RPTOR: variants seen among roughly 807,000 people sequenced by gnomAD.
The protein encoded by RPTOR is regulatory associated protein of MTOR complex 1, also known as regulatory-associated protein of mTOR.
Under a neutral mutation model 169.9 loss-of-function variants are expected in RPTOR, and 21 were observed. The observed-to-expected ratio is 0.12, with a 90% CI of 0.09 to 0.18. The LOEUF (loss-of-function observed/expected upper bound fraction) is 0.18, where lower values mean the gene tolerates loss of function less well. Ranked by LOEUF, RPTOR falls within the 10% of genes least tolerant of loss-of-function variation. The pLI is 1.00. For missense variants in RPTOR, 1,133 were observed against 1,855.9 expected (o/e 0.61, Z 7.16); for synonymous variants, 732 against 753.2 (o/e 0.97, Z 0.46).
chr17:80,919,588 G>A (rs548675656), intron 21 of RPTOR, among the ~76,000 whole-genome samples: 11 of 152,274 alleles, frequency 7.2e-5, no homozygotes, highest in African/African-American at 2.2e-4. Flanking sequence ...GTGAGGTGGC[G>A]CTCCCGGAAC....
chr17:80,838,950 T>G (rs867110828), intron 10 of RPTOR, among the ~76,000 whole-genome samples: 3 of 152,170 alleles, frequency 2.0e-5, no homozygotes, highest in Admixed American at 6.5e-5. Context: ...ACAGGGCCCT[T>G]GGGAATTCAT....
At chr17:80,742,925 C>A (rs1340552406) in intron 5 of RPTOR, among the ~76,000 whole-genome samples, 1 of 149,564 alleles carries the variant, frequency 6.7e-6, no homozygotes, top group East Asian at 1.9e-4. Context: ...CATACATGCA[C>A]ATCTACACAC....
chr17:80,900,462 G>A (rs1005545346), intron 20 of RPTOR, among the ~76,000 whole-genome samples: 17 of 152,006 alleles, frequency 1.1e-4, no homozygotes, highest in Admixed American at 5.9e-4. Flanking sequence ...GATTACAGGC[G>A]CATGCCACCA....
chr17:80,852,177 C>A (rs867938976), intron 11 of RPTOR, among the ~76,000 whole-genome samples: 1 of 152,172 alleles, frequency 6.6e-6, no homozygotes, highest in East Asian at 1.9e-4. Flanking sequence ...TTGTGCTAGA[C>A]GCTTTACGGA....
intron 1 of RPTOR, among the ~76,000 whole-genome samples, chr17:80,597,779 G>T (rs1384331732): frequency 6.6e-6 from 1 of 151,932 alleles, no homozygotes; most frequent in Non-Finnish European, 1.5e-5. Context: ...CTCCCAGAGT[G>T]TTGAGATTAC....
chr17:80,751,247 G>T (rs568983638), intron 5 of RPTOR, among the ~76,000 whole-genome samples: 52 of 152,118 alleles, frequency 3.4e-4, no homozygotes, highest in Non-Finnish European at 6.9e-4. Flanking sequence ...TCGTGTTGGC[G>T]TCGTAGGTGC....
intron 3 of RPTOR, among the ~76,000 whole-genome samples, chr17:80,698,486 T>C (rs2066056325): frequency 6.6e-6 from 1 of 152,198 alleles, no homozygotes; most frequent in African/African-American, 2.4e-5. Context: ...TTCCAGCCAT[T>C]GATCCACATT....
chr17:80,964,435 GT>G lies in RPTOR; in HGVS notation c.*107del, dbSNP rs3833848. On this transcript the variant is annotated 3_prime_UTR_variant, in exon 34 of 34. Transcript: ENST00000306801. ...GCTGCTGCGGCCCCGCAGTGTGAAC[GT>G]TGGCTGCTGCCTTAGCTGCTGATGA... is the stretch of plus-strand genomic sequence containing the variant. 3.6e-6 allele frequency: 4 copies of G among 1,125,658 alleles called. No homozygotes were observed. In the East Asian group the frequency reaches 9.6e-5, roughly 27 times the overall value. 69.7% of individuals were successfully genotyped at this position (1,125,658 alleles called of 1,614,324 possible).
At chr17:80,705,820 C>T (rs2066138042) in intron 3 of RPTOR, among the ~76,000 whole-genome samples, 1 of 152,094 alleles carries the variant, frequency 6.6e-6, no homozygotes, top group African/African-American at 2.4e-5. Flanking sequence ...CAGGTGTGAG[C>T]CCCCGTGTCC....
intron 9 of RPTOR, among the ~76,000 whole-genome samples, chr17:80,826,097 A>G (rs1357864700): frequency 6.6e-6 from 1 of 152,034 alleles, no homozygotes; most frequent in Non-Finnish European, 1.5e-5. Flanking sequence ...GACATAGGCC[A>G]CCCAGAAGAG....
chr17:80,943,048 C>T (rs1188931525), intron 25 of RPTOR, among the ~76,000 whole-genome samples: 1 of 152,224 alleles, frequency 6.6e-6, no homozygotes, highest in East Asian at 1.9e-4. Flanking sequence ...ATTTCCTTTC[C>T]GTGGTTCTGG....
chr17:80,832,117 T>C (rs2067511996), intron 9 of RPTOR, among the ~76,000 whole-genome samples: 5 of 152,104 alleles, frequency 3.3e-5, no homozygotes, highest in Admixed American at 3.3e-4. Flanking sequence ...TGGGTTAGTG[T>C]GGAAAAACTC....
rs1472591614 is a variant in RPTOR at position 80,844,733 on chromosome 17, C to T, written c.1213-1740C>T. 1.3e-5 allele frequency among the ~76,000 whole-genome samples: 2 copies of T among 152,184 alleles called. No individual in the cohort carries two copies. Among genetic ancestry groups the T allele is most frequent in the Non-Finnish European group, 2.9e-5 (2 of 68,038 alleles). On this transcript the variant is annotated intron_variant, in intron 10 of 33. Transcript: ENST00000306801. This position sits in a 1 kb window ranked among gnomAD's most constrained non-coding sequence, Gnocchi z 4.7. ...GCTCCTCTGTGGAGGCTGCCGAGAG[C>T]GCTCCTGGACTTGGGCGCACGGAGG...
chr17:80,687,045 AC>A (rs2065953609), intron 3 of RPTOR, among the ~76,000 whole-genome samples: 1 of 151,880 alleles, frequency 6.6e-6, no homozygotes, highest in African/African-American at 2.4e-5. Flanking sequence ...AAAATACATC[AC>A]CCCACGCAAT....
At position 80,959,903 on chromosome 17, in the gene RPTOR, C is replaced by T. The variant is rs1031425872; in HGVS notation, c.3478-175C>T. On this transcript the variant is annotated intron_variant, in intron 29 of 33. Coordinates refer to ENST00000306801, the MANE Select transcript of RPTOR (RefSeq NM_020761.3). This position sits in a 1 kb window ranked among gnomAD's most constrained non-coding sequence, Gnocchi z 6.7. ...TGCCAGCCCCTGCCTCTCCCTGGGA[C>T]TCCTGGGCTCCCCAGGCCTTTGATG... is the stretch of plus-strand genomic sequence containing the variant. Among the ~76,000 whole-genome samples, 1 of 152,180 alleles carries T rather than the reference C, an allele frequency of 6.6e-6. No individual in the cohort carries two copies. Among genetic ancestry groups the T allele is most frequent in the South Asian group, 2.1e-4 (1 of 4,830 alleles).
At chr17:80,604,110 C>T (rs971464159) in intron 1 of RPTOR, among the ~76,000 whole-genome samples, 3 of 152,136 alleles carry the variant, frequency 2.0e-5, no homozygotes, top group Non-Finnish European at 4.4e-5. Context: ...CAAACACAGA[C>T]GGGGGAATAA....
chr17:80,874,429 T>C (rs2068084231), intron 13 of RPTOR, among the ~76,000 whole-genome samples: 1 of 152,162 alleles, frequency 6.6e-6, no homozygotes, highest in Admixed American at 6.5e-5. Flanking sequence ...TCTCTTAACC[T>C]CATGATCCAC....
intron 6 of RPTOR, among the ~76,000 whole-genome samples, chr17:80,756,325 A>G (rs2066680817): frequency 6.6e-6 from 1 of 152,244 alleles, no homozygotes; most frequent in African/African-American, 2.4e-5. Context: ...CAGTCTCCAG[A>G]ACTGTAAGAA....
chr17:80,545,471 G>C lies in RPTOR; in HGVS notation c.-159G>C. The stretch of plus-strand genomic sequence containing the variant: ...CTCAGAGTTAGAGATAAGGATCTCA[G>C]ACTTTTGCCTGAGTAAGGGTCTCCG... On this transcript the variant is annotated 5_prime_UTR_variant, in exon 1 of 34. Coordinates refer to ENST00000306801, the MANE Select transcript of RPTOR (RefSeq NM_020761.3). 2 of 559,240 alleles carry C rather than the reference G, an allele frequency of 3.6e-6. No individual in the cohort carries two copies. Among genetic ancestry groups the C allele is most frequent in the South Asian group, 2.4e-5 (1 of 41,046 alleles). The allele number at this position is 559,240 out of a possible 1,614,324, so 34.6% of individuals were successfully genotyped here. A position where few individuals can be genotyped will look rare whatever the true frequency, so the allele number is the denominator to read the frequency against.
Sources: allele counts gnomAD v4.1 joint callset (sites outside exome capture counted in the v4.1 genomes callset), GRCh38; gene constraint gnomAD v4.1.1; non-coding constraint Gnocchi (gnomAD v3.1); transcripts MANE v1.5; gene names NCBI Gene and HGNC (gene_info 2026-07-23, HGNC 2026-07-21).